Variants in MSH3 observed in about 807,000 individuals in gnomAD.
The protein encoded by MSH3 is mutS homolog 3.
In MSH3, 106 loss-of-function variants were observed where a neutral mutation model predicts 123.3. The ratio of observed to expected loss-of-function variants is 0.86; its 90% confidence interval spans 0.73 to 1.01. MSH3 has a LOEUF of 1.01. Among genes scored for constraint, MSH3 ranks in the 50% least tolerant of loss-of-function variants. The pLI, the probability that MSH3 is intolerant of heterozygous loss-of-function variation, is 0.00. For synonymous variants in MSH3, 515 were observed against 481.4 expected, an observed-to-expected ratio of 1.07 and a Z score of -0.91; for missense variants, 1,459 against 1,347.6, an observed-to-expected ratio of 1.08 and a Z score of -1.29.
intron 19 of MSH3, among the ~76,000 whole-genome samples, chr5:80,805,774 T>C (rs1320691965): frequency 2.6e-5 from 4 of 152,020 alleles, no homozygotes; most frequent in Admixed American, 1.3e-4. Flanking sequence ...GTATTTTTAA[T>C]AGAGATGGGG....
chr5:80,751,704 C>A (rs1743843505), intron 12 of MSH3, among the ~76,000 whole-genome samples: 1 of 152,172 alleles, frequency 6.6e-6, no homozygotes, highest in Non-Finnish European at 1.5e-5. Context: ...ACCCTTACTG[C>A]AGAATGACCT....
At chr5:80,744,300 CA>C (rs1214189631) in intron 11 of MSH3, among the ~76,000 whole-genome samples, 36 of 151,964 alleles carry the variant, frequency 2.4e-4, no homozygotes, top group African/African-American at 8.7e-4. Context: ...CTTTGGTAAC[CA>C]AAAACTATAA....
chr5:80,826,195 C>T (rs1467461521), intron 20 of MSH3, among the ~76,000 whole-genome samples: 1 of 152,184 alleles, frequency 6.6e-6, no homozygotes, highest in East Asian at 1.9e-4. Context: ...AGGTGGTACA[C>T]AAGAATTAGC....
chr5:80,741,672 T>C (rs1743617185), intron 11 of MSH3, 124 bp downstream of exon 11: 1 of 735,288 alleles, frequency 1.4e-6, no homozygotes, highest in Non-Finnish European at 2.5e-6. Flanking sequence ...GCAGTATTAA[T>C]TGATAACTGT....
At chr5:80,670,493 G>A (rs888524184) in intron 4 of MSH3, among the ~76,000 whole-genome samples, 184 bp downstream of exon 4, 2 of 152,028 alleles carry the variant, frequency 1.3e-5, no homozygotes, top group African/African-American at 4.8e-5. Flanking sequence ...AACCAGACTT[G>A]GTGGGAAAAA....
intron 8 of MSH3, among the ~76,000 whole-genome samples, chr5:80,708,274 AT>A (rs1356996415): frequency 2.0e-5 from 3 of 152,096 alleles, no homozygotes; most frequent in African/African-American, 7.2e-5. Flanking sequence ...TTAGCTTTTA[AT>A]TTTAATATAT....
At chr5:80,674,701 C>T (rs1347785668) in intron 6 of MSH3, among the ~76,000 whole-genome samples, 1 of 152,154 alleles carries the variant, frequency 6.6e-6, no homozygotes, top group Non-Finnish European at 1.5e-5. Context: ...GGCAGAAGTA[C>T]TGTGTGAAAT....
At chr5:80,857,321 G>T (rs1389495833) in intron 21 of MSH3, among the ~76,000 whole-genome samples, 1 of 152,026 alleles carries the variant, frequency 6.6e-6, no homozygotes, top group Non-Finnish European at 1.5e-5. Flanking sequence ...GAGGATTTTT[G>T]CATCTATGTT....
chr5:80,764,623 A>G (rs1018171308), intron 13 of MSH3, among the ~76,000 whole-genome samples: 1 of 149,540 alleles, frequency 6.7e-6, no homozygotes, highest in Non-Finnish European at 1.5e-5. Flanking sequence ...TTGGACTCCC[A>G]GTGTGTTGGG....
rs71640414 is a variant in MSH3, at chr5:80,776,928, A to ATATATAT, written c.2318+1171_2318+1172insATATATT. Among the ~76,000 whole-genome samples the ATATATAT allele has an allele frequency of 1.0e-3, 146 of 139,386 alleles. 1 individual carries two copies. Among genetic ancestry groups the ATATATAT allele is most frequent in the East Asian group, 4.9e-3 (23 of 4,722 alleles). The allele number at this position is 139,386 out of a possible 152,430, so 91.4% of individuals were successfully genotyped here. On this transcript the variant is annotated intron_variant, in intron 16 of 23. Transcript: ENST00000265081. ...ATAATACAAATATATATATATATAT[A>ATATATAT]TTTTTTTTTTTTCTTTTTTTTAAGA...
chr5:80,756,413 G>A (rs2112876596), intron 12 of MSH3, among the ~76,000 whole-genome samples: 1 of 152,200 alleles, frequency 6.6e-6, no homozygotes, highest in East Asian at 1.9e-4. Context: ...CTTTCTAACT[G>A]GTATTCCTGA....
intron 8 of MSH3, among the ~76,000 whole-genome samples, chr5:80,725,106 C>T (rs370703972): frequency 6.7e-6 from 1 of 149,026 alleles, no homozygotes; most frequent in Non-Finnish European, 1.5e-5. Context: ...TTCAGCTACT[C>T]GGGAGGCTGA....
intron 12 of MSH3, among the ~76,000 whole-genome samples, 182 bp downstream of exon 12, chr5:80,744,797 G>A (rs1004691705): frequency 3.3e-5 from 5 of 152,086 alleles, no homozygotes; most frequent in African/African-American, 4.8e-5. Context: ...CCTCATTCTC[G>A]TGAATGAGCC....
At chr5:80,805,315 T>C (rs1744867725) in intron 19 of MSH3, among the ~76,000 whole-genome samples, 1 of 152,192 alleles carries the variant, frequency 6.6e-6, no homozygotes, top group South Asian at 2.1e-4. Context: ...AGGCAAGCCA[T>C]TTTAGAAGGG....
chr5:80,768,393 A>G (rs1744160913), intron 14 of MSH3, among the ~76,000 whole-genome samples: 1 of 152,158 alleles, frequency 6.6e-6, no homozygotes, highest in Non-Finnish European at 1.5e-5. Context: ...GCCAAGCATT[A>G]GTAGTTTATT....
intron 20 of MSH3, among the ~76,000 whole-genome samples, chr5:80,830,222 T>C (rs977018485): frequency 6.6e-6 from 1 of 152,236 alleles, no homozygotes; most frequent in Non-Finnish European, 1.5e-5. Context: ...ATTTCCAATT[T>C]CACTGATTTC....
At chr5:80,656,275 G>C (rs1749281127) in intron 1 of MSH3, 136 bp from the exon 2 acceptor site, 1 of 1,185,550 alleles carries the variant, frequency 8.4e-7, no homozygotes, top group Non-Finnish European at 1.2e-6. Context: ...GTTTTCCAGA[G>C]CTAAAAGTAG....
rs1580538168 is a variant in MSH3 at position 80,654,870 on chromosome 5, AC to A, written c.146del (p.Pro49LeufsTer31). 3 of 1,568,088 alleles carry A rather than the reference AC, an allele frequency of 1.9e-6. No homozygotes were observed. The highest frequency in any genetic ancestry group is 2.6e-6 in the Non-Finnish European group (3 of 1,153,958). On this transcript the variant is annotated frameshift_variant, in exon 1 of 24. Transcript: ENST00000265081. LOFTEE classifies it high-confidence loss of function. The stretch of plus-strand genomic sequence containing the variant: ...TCCACAGGTGCAGCCGACCAGGTGG[AC>A]CCTGGCGCTGCAGCGGCTGCAGCGG... ...SSSTGAADQV[D>X]PGAAAAAAAA...
intron 14 of MSH3, among the ~76,000 whole-genome samples, 200 bp downstream of exon 14, chr5:80,768,320 C>G (rs1744159101): frequency 6.6e-6 from 1 of 152,058 alleles, no homozygotes; most frequent in Admixed American, 6.5e-5. Context: ...GGCAGTTTAC[C>G]ATCTAGGACA....
Sources: allele counts gnomAD v4.1 joint callset (sites outside exome capture counted in the v4.1 genomes callset), GRCh38; gene constraint gnomAD v4.1.1; transcripts MANE v1.5; gene names NCBI Gene and HGNC (gene_info 2026-07-23, HGNC 2026-07-21).